The following SAMD5 variants were observed in gnomAD, a reference collection of about 807,000 sequenced individuals.
The protein encoded by SAMD5 is sterile alpha motif domain-containing protein 5.
SAMD5 carries 13 observed loss-of-function variants against 11.3 expected under a neutral mutation model. The ratio of observed to expected loss-of-function variants is 1.15; its 90% CI spans 0.75 to 1.83. The LOEUF (loss-of-function observed/expected upper bound fraction) is 1.83, where lower values mean the gene tolerates loss of function less well. Among genes scored for constraint, SAMD5 ranks in the 40% most tolerant of loss-of-function variants. SAMD5 has a pLI of 0.00. For synonymous variants in SAMD5, 129 were observed against 111.3 expected (o/e 1.16, Z -1.00); for missense variants, 255 against 239.1 (o/e 1.07, Z -0.44).
the SAMD5 span, among the ~76,000 whole-genome samples, chr6:147,917,605 T>A: frequency 6.6e-6 from 1 of 152,166 alleles, no homozygotes; most frequent in Non-Finnish European, 1.5e-5. Context: ...CCATTGCTTT[T>A]GGTGTTTTAG....
intron 1 of SAMD5, among the ~76,000 whole-genome samples, chr6:147,731,502 G>A (rs1881577): frequency 0.73 from 110,850 of 152,010 alleles, 40,626 homozygotes; most frequent in Middle Eastern, 0.83. Flanking sequence ...GCACAGCCAT[G>A]AACTTTGAAA....
intron 1 of SAMD5, among the ~76,000 whole-genome samples, chr6:147,511,840 T>A (rs535646702): frequency 1.3e-5 from 2 of 152,338 alleles, no homozygotes; most frequent in South Asian, 2.1e-4. Context: ...GAAGAATTTG[T>A]TTTCTGATGT....
chr6:147,584,530 G>T (rs1789346637), intron 1 of SAMD5, among the ~76,000 whole-genome samples: 1 of 152,140 alleles, frequency 6.6e-6, no homozygotes, highest in African/African-American at 2.4e-5. Context: ...ACTAGCCAGG[G>T]CTGCCCTGGC....
intron 1 of SAMD5, among the ~76,000 whole-genome samples, chr6:147,524,668 A>T (rs1184802605): frequency 6.6e-6 from 1 of 152,084 alleles, no homozygotes; most frequent in Non-Finnish European, 1.5e-5. Flanking sequence ...TTAGAAAAGT[A>T]AAATATTGTT....
the SAMD5 span, among the ~76,000 whole-genome samples, chr6:147,816,301 A>AAAAAAAAT: frequency 2.4e-4 from 16 of 66,354 alleles, no homozygotes; most frequent in African/African-American, 3.1e-4. Context: ...AAAAAAAAAA[A>AAAAAAAAT]ATATATATAT....
At chr6:147,554,489 A>T (rs996318019) in intron 1 of SAMD5, among the ~76,000 whole-genome samples, 7 of 152,188 alleles carry the variant, frequency 4.6e-5, no homozygotes, top group Admixed American at 1.3e-4. Flanking sequence ...GCCACAGGCT[A>T]TTTTGATATG....
the SAMD5 span, among the ~76,000 whole-genome samples, chr6:147,930,409 G>A: frequency 1.2e-4 from 18 of 151,882 alleles, no homozygotes; most frequent in South Asian, 4.1e-4. Context: ...TCCTCATACC[G>A]ATTTTCAGTC....
intron 1 of SAMD5, among the ~76,000 whole-genome samples, chr6:147,553,864 T>C (rs1425677312): frequency 4.4e-4 from 67 of 152,104 alleles, no homozygotes; most frequent in Non-Finnish European, 1.5e-5. Context: ...CTGAAAGTGT[T>C]CTTTTTCAGC....
At chr6:147,604,294 A>T (rs1241415904) in intron 1 of SAMD5, among the ~76,000 whole-genome samples, 1 of 152,036 alleles carries the variant, frequency 6.6e-6, no homozygotes, top group Non-Finnish European at 1.5e-5. Context: ...CTCATTTTTA[A>T]CATTGCCCTT....
At chr6:147,645,703 G>C (rs1376575948) in intron 1 of SAMD5, among the ~76,000 whole-genome samples, 1 of 152,160 alleles carries the variant, frequency 6.6e-6, no homozygotes, top group Non-Finnish European at 1.5e-5. Flanking sequence ...AAGAATTGAT[G>C]AGGTCTGTGA....
chr6:147,791,095 G>A, the SAMD5 span, among the ~76,000 whole-genome samples: 4 of 151,912 alleles, frequency 2.6e-5, no homozygotes. Flanking sequence ...AGGAGTTCGA[G>A]ACCAGCCTGG....
At chr6:147,922,957 A>C in the SAMD5 span, among the ~76,000 whole-genome samples, 2 of 151,582 alleles carry the variant, frequency 1.3e-5, no homozygotes, top group African/African-American at 4.9e-5. Context: ...CCTTCCCCCA[A>C]CTCTGCCCCT....
At chr6:147,689,429 T>C (rs1424611891) in intron 1 of SAMD5, among the ~76,000 whole-genome samples, 1 of 152,222 alleles carries the variant, frequency 6.6e-6, no homozygotes, top group Non-Finnish European at 1.5e-5. Context: ...TGAGTATCAT[T>C]ATCCTTATAT....
the SAMD5 span, among the ~76,000 whole-genome samples, chr6:147,747,613 C>A: frequency 6.6e-6 from 1 of 152,172 alleles, no homozygotes; most frequent in Non-Finnish European, 1.5e-5. Flanking sequence ...CTGGCTCAAG[C>A]AATCTTTCCA....
At chr6:147,613,496 C>T (rs983203283) in intron 1 of SAMD5, among the ~76,000 whole-genome samples, 2 of 151,754 alleles carry the variant, frequency 1.3e-5, no homozygotes, top group Non-Finnish European at 2.9e-5. Flanking sequence ...ACCTTGAGAC[C>T]ACTCTTTTTC....
chr6:147,739,077 C>T (rs1791843731), downstream of SAMD5, among the ~76,000 whole-genome samples: 1 of 152,142 alleles, frequency 6.6e-6, no homozygotes, highest in Non-Finnish European at 1.5e-5. Flanking sequence ...CATTTAAAAG[C>T]TCTGCCTGTC....
intron 1 of SAMD5, among the ~76,000 whole-genome samples, chr6:147,649,807 A>G (rs1790457429): frequency 6.6e-6 from 1 of 151,822 alleles, no homozygotes; most frequent in African/African-American, 2.4e-5. Flanking sequence ...AAAAAAAAAA[A>G]AGTACCAACA....
intron 1 of SAMD5, among the ~76,000 whole-genome samples, chr6:147,584,784 G>A (rs1243978079): frequency 2.6e-5 from 4 of 152,156 alleles, no homozygotes; most frequent in Non-Finnish European, 5.9e-5. Flanking sequence ...AATTAGATTA[G>A]CTCTGAAAGT....
In SAMD5 at chr6:147,567,930, C is replaced by G; in HGVS notation, c.*3474C>G. On this transcript the variant is annotated 3_prime_UTR_variant, in exon 2 of 2. Coordinates refer to ENST00000367474, the MANE Select transcript of SAMD5 (RefSeq NM_001030060.3). ...AGCAAGATCCCGTCTCAAAACAAAA[C>G]AAAACAAAACAAAACAGCAAATTCA... is the stretch of plus-strand genomic sequence containing the variant. The G allele has an allele frequency of 2.0e-6, 2 of 985,830 alleles. No homozygotes were observed. The highest frequency in any genetic ancestry group is 2.4e-6 in the Non-Finnish European group (2 of 830,312). The allele number at this position is 985,830 out of a possible 1,614,324, so 61.1% of individuals were successfully genotyped here. A position where few individuals can be genotyped will look rare whatever the true frequency, so the allele number is the denominator to read the frequency against.
Sources: allele counts gnomAD v4.1 joint callset (sites outside exome capture counted in the v4.1 genomes callset), GRCh38; gene constraint gnomAD v4.1.1; transcripts MANE v1.5; gene names NCBI Gene and HGNC (gene_info 2026-07-23, HGNC 2026-07-21).